The following GEMIN5 variants were observed in gnomAD, a reference collection of about 807,000 sequenced individuals.
The protein encoded by GEMIN5 is gem nuclear organelle associated protein 5.
In GEMIN5, 124 loss-of-function variants were observed where a neutral mutation model predicts 176.9. The ratio of observed to expected loss-of-function variants is 0.70; its 90% CI spans 0.61 to 0.81. The LOEUF (loss-of-function observed/expected upper bound fraction) is 0.81, where lower values mean the gene tolerates loss of function less well. GEMIN5 is among the 40% of genes least tolerant of loss of function. The pLI is 0.00. For synonymous variants in GEMIN5, 673 were observed against 665.2 expected, an observed-to-expected ratio of 1.01 and a Z score of -0.18; for missense variants, 1,843 against 1,814.6, an observed-to-expected ratio of 1.02 and a Z score of -0.28.
chr5:154,913,879 T>C (rs1763757745), intron 13 of GEMIN5, among the ~76,000 whole-genome samples: 1 of 152,094 alleles, frequency 6.6e-6, no homozygotes, highest in South Asian at 2.1e-4. Flanking sequence ...TATGTGCCTG[T>C]AGTCCCAACT....
At chr5:154,902,773 C>T (rs1481023683) in intron 19 of GEMIN5, 97 bp from the exon 20 acceptor site, 3 of 1,234,204 alleles carry the variant, frequency 2.4e-6, no homozygotes, top group Non-Finnish European at 3.5e-6. Flanking sequence ...AAGTGAGCTC[C>T]TAAAATATGC....
chr5:154,908,172 C>CT (rs386405383), intron 15 of GEMIN5, among the ~76,000 whole-genome samples: 6,702 of 72,752 alleles, frequency 0.092, 1,756 homozygotes, highest in Non-Finnish European at 0.12. Flanking sequence ...CCCAGATGTC[C>CT]TTTTTTTTTT....
chr5:154,916,316 T>C (rs1763807889), intron 13 of GEMIN5, among the ~76,000 whole-genome samples: 1 of 152,224 alleles, frequency 6.6e-6, no homozygotes, highest in South Asian at 2.1e-4. Context: ...AATTTATTTT[T>C]AGCTAGGAAC....
intron 9 of GEMIN5, among the ~76,000 whole-genome samples, chr5:154,923,033 A>G (rs559092184): frequency 4.6e-5 from 7 of 152,236 alleles, no homozygotes; most frequent in African/African-American, 1.4e-4. Context: ...AAAAAAGGAG[A>G]ATAGTCAACT....
chr5:154,892,952 C>T (rs1187213371), intron 24 of GEMIN5, among the ~76,000 whole-genome samples: 1 of 152,062 alleles, frequency 6.6e-6, no homozygotes, highest in Admixed American at 6.6e-5. Context: ...CAAAAATTAG[C>T]CAGGCATGAT....
At chr5:154,889,815 G>T (rs945111235) in intron 26 of GEMIN5, among the ~76,000 whole-genome samples, 1 of 152,140 alleles carries the variant, frequency 6.6e-6, no homozygotes, top group African/African-American at 2.4e-5. Context: ...CCTTCGTAAG[G>T]CTGAATGACA....
At chr5:154,918,048 CA>C (rs779123006) in intron 11 of GEMIN5, 44 bp from the exon 12 acceptor site, 3 of 1,212,758 alleles carry the variant, frequency 2.5e-6, no homozygotes, top group South Asian at 1.2e-5. Flanking sequence ...ACATATCTCA[CA>C]AATCAGCAAT....
intron 5 of GEMIN5, among the ~76,000 whole-genome samples, chr5:154,930,632 C>T (rs927849365): frequency 6.6e-6 from 1 of 152,144 alleles, no homozygotes; most frequent in Non-Finnish European, 1.5e-5. Flanking sequence ...AAAGGAAATA[C>T]TCAGAGTAGT....
In GEMIN5 at chr5:154,935,884, A is replaced by G; in HGVS notation, c.466T>C (p.Cys156Arg). The G allele has an allele frequency of 6.2e-7, 1 of 1,613,890 alleles. No homozygotes were observed. The highest frequency in any genetic ancestry group is 8.5e-7 in the Non-Finnish European group (1 of 1,179,760). ...TCATGATGAGGTGAACAAGTAAGAC[A>G]GAAAATTGTCCTGGGTTCTATAAAG... ...HLFIEPRTIFCLTCSPHHEDL... is the reference protein window; with the variant it reads ...HLFIEPRTIFRLTCSPHHEDL... The change falls in exon 3 of 28, where the codon TGT becomes CGT. Residue 156 changes from cysteine (C) to arginine (R), a missense_variant. Cys to Arg is a radical substitution (Grantham distance 180). Transcript: ENST00000285873.
At chr5:154,913,266 A>G (rs1763743606) in intron 13 of GEMIN5, among the ~76,000 whole-genome samples, 1 of 152,100 alleles carries the variant, frequency 6.6e-6, no homozygotes, top group African/African-American at 2.4e-5. Flanking sequence ...CCTGGGTTCA[A>G]GCGATTCTCC....
chr5:154,901,380 C>A lies in GEMIN5; in HGVS notation c.2973G>T (p.Val991=). The A allele has an allele frequency of 6.2e-7, 1 of 1,614,066 alleles. No individual in the cohort carries two copies. The highest frequency in any genetic ancestry group is 1.3e-5 in the African/African-American group (1 of 75,036). Residue 991 remains valine, a synonymous_variant, in exon 21 of 28, where the codon GTG becomes GTT. Coordinates refer to ENST00000285873, the MANE Select transcript of GEMIN5 (RefSeq NM_015465.5). ...ACTTGAGCAGCTCCACCGCTTCATA[C>A]ACTTTGTGGATGGAAAGTAGGTGAG... The part of the protein sequence containing the change: ...AASHLLSIHK[V]YEAVELLKSN...
In GEMIN5 at chr5:154,912,976, C is replaced by T; in HGVS notation, c.1918G>A (p.Ala640Thr). 2.5e-6 allele frequency: 4 copies of T among 1,613,690 alleles called. No homozygotes were observed. Among genetic ancestry groups the T allele is most frequent in the South Asian group, 2.2e-5 (2 of 91,072 alleles). The change falls in exon 14 of 28, where the codon GCC (alanine) becomes ACC (threonine). Residue 640 changes from alanine to threonine, a missense_variant. Transcript: ENST00000285873. ...EPYRTLSGHT[A>T]KITSVAWSPH... Reference sequence around the variant, plus strand: ...CTCCACGCCACACTGGTAATCTTGGCCGTATGCCCTGAGAGGGTCCGGTAG... The same window carrying T: ...CTCCACGCCACACTGGTAATCTTGGTCGTATGCCCTGAGAGGGTCCGGTAG...
At position 154,908,212 on chromosome 5, in the gene GEMIN5, C is replaced by T. The variant is rs556811313; in HGVS notation, c.2168-394G>A. On this transcript the variant is annotated intron_variant, in intron 15 of 27. Transcript: ENST00000285873. ...TTTTTTTTTTTTGGAGATGGTTTCG[C>T]TCTTCTTGCCCCGGCGGGAGTGCAA... Among the ~76,000 whole-genome samples the T allele has an allele frequency of 9.6e-5, 11 of 115,086 alleles. No individual in the cohort carries two copies. The East Asian group carries it at 2.5e-3, about 27-fold the overall frequency. 75.5% of individuals were successfully genotyped at this position (115,086 alleles called of 152,430 possible). A position where few individuals can be genotyped will look rare whatever the true frequency, so the allele number is the denominator to read the frequency against.
chr5:154,899,774 G>A (rs1020074303), intron 21 of GEMIN5, among the ~76,000 whole-genome samples: 27 of 152,086 alleles, frequency 1.8e-4, no homozygotes, highest in African/African-American at 5.6e-4. Flanking sequence ...TACTAAATCC[G>A]TCAAGTCCAA....
chr5:154,935,975 T>A lies in GEMIN5; in HGVS notation c.375A>T (p.Ile125=). The stretch of plus-strand genomic sequence containing the variant: ...CTACTCCTTTTTCATCCCCAGATAC[T>A]ATTAAGTCCTTTACTCGAGGAGACC... The part of the protein sequence containing the change: ...LHWSPRVKDL[I]VSGDEKGVVF... The change falls in exon 3 of 28, where the codon ATA becomes ATT. Residue 125 remains isoleucine (I), a synonymous_variant. Transcript: ENST00000285873. 1 of 1,612,298 alleles carries A rather than the reference T, an allele frequency of 6.2e-7. No individual in the cohort carries two copies. Among genetic ancestry groups the A allele is most frequent in the Non-Finnish European group, 8.5e-7 (1 of 1,178,540 alleles).
At chr5:154,927,925 A>T (rs888694) in intron 6 of GEMIN5, among the ~76,000 whole-genome samples, 5 of 151,672 alleles carry the variant, frequency 3.3e-5, no homozygotes, top group Non-Finnish European at 5.9e-5. Flanking sequence ...CAGGAGGTTG[A>T]GGCTGCAGTG....
chr5:154,907,888 T>C lies in GEMIN5; in HGVS notation c.2168-70A>G, dbSNP rs1368921308. 4 of 978,164 alleles carry C rather than the reference T, an allele frequency of 4.1e-6. No homozygotes were observed. In the Admixed American group the frequency reaches 8.2e-5, roughly 20 times the overall value. The allele number at this position is 978,164 out of a possible 1,614,324, so 60.6% of individuals were successfully genotyped here. ...GTTAAAAGCACTCTAGGTGGTAAAC[T>C]CCAATATCTCATTCCTCTTTAATAG... is the stretch of plus-strand genomic sequence containing the variant. On this transcript the variant is annotated intron_variant, in intron 15 of 27. Coordinates refer to ENST00000285873, the MANE Select transcript of GEMIN5 (RefSeq NM_015465.5).
rs375493611 is a variant in GEMIN5, at chr5:154,888,097, G to T, written c.*113C>A. The T allele has an allele frequency of 5.9e-5, 58 of 980,960 alleles. No homozygotes were observed. The South Asian group carries it at 7.3e-4, about 12-fold the overall frequency. The allele number at this position is 980,960 out of a possible 1,614,324, so 60.8% of individuals were successfully genotyped here. ...CTTAATCCTTGTTTGTATTCTTTTG[G>T]ATTACTGCAAAAACATCTAGGGACC... is the stretch of plus-strand genomic sequence containing the variant. On this transcript the variant is annotated 3_prime_UTR_variant, in exon 28 of 28. Transcript: ENST00000285873.
Position 154,935,993 on chromosome 5 carries a change from A to T in GEMIN5, c.357T>A (p.Pro119=), listed in dbSNP as rs766897248. Residue 119 remains proline (P), a synonymous_variant, in exon 3 of 28, where the codon CCT becomes CCA. Coordinates refer to ENST00000285873, the MANE Select transcript of GEMIN5 (RefSeq NM_015465.5). ...CAGATACTATTAAGTCCTTTACTCG[A>T]GGAGACCAATGTAATGTTGATATCG... ...QHTISTLHWS[P]RVKDLIVSGD... 13 of 1,610,838 alleles carry T rather than the reference A, an allele frequency of 8.1e-6. No homozygotes were observed. The highest frequency in any genetic ancestry group is 1.0e-5 in the Non-Finnish European group (12 of 1,178,248).
Sources: gnomAD v4.1 joint callset for allele counts (sites outside exome capture counted in the v4.1 genomes callset) on GRCh38, gnomAD v4.1.1 for gene constraint, MANE v1.5 for transcripts, NCBI Gene and HGNC (gene_info 2026-07-23, HGNC 2026-07-21) for gene names.